KIZ: variants seen among roughly 807,000 people sequenced by gnomAD.
The protein encoded by KIZ is kizuna centrosomal protein.
KIZ carries 68 observed loss-of-function variants against 79.6 expected under a neutral mutation model. The ratio of observed to expected loss-of-function variants is 0.85; its 90% confidence interval spans 0.70 to 1.05. The LOEUF (loss-of-function observed/expected upper bound fraction) is 1.05. KIZ is among the 50% of genes least tolerant of loss of function. The pLI is 0.00. For missense variants in KIZ, 797 were observed against 800.4 expected, an observed-to-expected ratio of 1.00 and a Z score of 0.05; for synonymous variants, 280 against 281.8, an observed-to-expected ratio of 0.99 and a Z score of 0.06.
chr20:21,177,806 C>T (rs1219171724), intron 6 of KIZ, among the ~76,000 whole-genome samples: 1 of 152,026 alleles, frequency 6.6e-6, no homozygotes, highest in African/African-American at 2.4e-5. Flanking sequence ...TTTCCAGTTT[C>T]TCCCAATACC....
intron 10 of KIZ, among the ~76,000 whole-genome samples, chr20:21,230,357 A>G (rs891254121): frequency 2.0e-5 from 3 of 152,198 alleles, no homozygotes; most frequent in African/African-American, 4.8e-5. Context: ...TTCCTATACT[A>G]CCAGCTATTT....
intron 6 of KIZ, among the ~76,000 whole-genome samples, chr20:21,168,555 C>T (rs1243749824): frequency 6.6e-6 from 1 of 152,204 alleles, no homozygotes; most frequent in Non-Finnish European, 1.5e-5. Flanking sequence ...CTACCAATGA[C>T]TTTCTTCACA....
At chr20:21,190,308 A>C (rs2035056354) in intron 6 of KIZ, among the ~76,000 whole-genome samples, 1 of 152,260 alleles carries the variant, frequency 6.6e-6, no homozygotes. Flanking sequence ...TTTGCCTGTA[A>C]TGCTGCTTAA....
chr20:21,179,834 G>A (rs182665655), intron 6 of KIZ, among the ~76,000 whole-genome samples: 10 of 152,116 alleles, frequency 6.6e-5, no homozygotes, highest in Admixed American at 2.6e-4. Context: ...TTAGTTGTTA[G>A]TGTGTTGTTT....
At chr20:21,217,842 A>C (rs1192092741) in intron 9 of KIZ, among the ~76,000 whole-genome samples, 1 of 152,302 alleles carries the variant, frequency 6.6e-6, no homozygotes, top group East Asian at 1.9e-4. Flanking sequence ...AGCATTTCCA[A>C]ACCAGCTATG....
At chr20:21,130,796 C>A (rs1432337099) in intron 1 of KIZ, among the ~76,000 whole-genome samples, 1 of 152,062 alleles carries the variant, frequency 6.6e-6, no homozygotes. Context: ...GTTATGTAAC[C>A]TGTAATGTAG....
chr20:21,182,027 C>G (rs1480110853), intron 6 of KIZ, among the ~76,000 whole-genome samples: 1 of 152,192 alleles, frequency 6.6e-6, no homozygotes, highest in Non-Finnish European at 1.5e-5. Flanking sequence ...TTGACCTCTT[C>G]CTACAGCCAG....
chr20:21,237,854 G>A (rs904706550), intron 11 of KIZ, among the ~76,000 whole-genome samples: 1 of 152,156 alleles, frequency 6.6e-6, no homozygotes, highest in African/African-American at 2.4e-5. Context: ...TTTAGAGACA[G>A]GGTCTCGCTC....
intron 4 of KIZ, among the ~76,000 whole-genome samples, chr20:21,146,388 C>T (rs1463843872): frequency 6.6e-6 from 1 of 152,176 alleles, no homozygotes; most frequent in Non-Finnish European, 1.5e-5. Flanking sequence ...CGTGCTTGTT[C>T]CTTAGGCTGC....
rs185950873 is a variant in KIZ, at chr20:21,147,423, C to A, written c.405+1769C>A. On this transcript the variant is annotated intron_variant, in intron 4 of 12. Coordinates refer to ENST00000619189, the MANE Select transcript of KIZ (RefSeq NM_018474.6). ...CAATTAAAAGGTAAATACATTTCAG[C>A]AAAATCATGTTTTAGTTAATCCTTA... Among the ~76,000 whole-genome samples the A allele has an allele frequency of 2.8e-4, 42 of 152,274 alleles. No individual in the cohort carries two copies. In the East Asian group the frequency reaches 7.7e-3, roughly 28 times the overall value.
intron 6 of KIZ, among the ~76,000 whole-genome samples, chr20:21,187,773 C>CTG (rs1377435407): frequency 6.6e-6 from 1 of 152,218 alleles, no homozygotes; most frequent in Non-Finnish European, 1.5e-5. Context: ...ACCTTTTCAT[C>CTG]ATCATCATTT....
At position 21,238,206 on chromosome 20, in the gene KIZ, TC is replaced by T. The variant is rs1303847969; in HGVS notation, c.1880+5377del. On this transcript the variant is annotated intron_variant, in intron 11 of 12. Transcript: ENST00000619189. ...AAGCATGGATATATAGCTCCACCAT[TC>T]ACTCTAGTTTGTTTTTTTTTTTTTT... Among the ~76,000 whole-genome samples the T allele has an allele frequency of 2.0e-5, 3 of 151,888 alleles. No individual in the cohort carries two copies. The East Asian group carries it at 5.8e-4, about 29-fold the overall frequency.
At position 21,236,333 on chromosome 20, in the gene KIZ, T is replaced by G. The variant is rs545827905; in HGVS notation, c.1880+3503T>G. 3.9e-5 allele frequency among the ~76,000 whole-genome samples: 6 copies of G among 152,358 alleles called. No homozygotes were observed. The South Asian group carries it at 1.2e-3, about 32-fold the overall frequency. On this transcript the variant is annotated intron_variant, in intron 11 of 12. Coordinates refer to ENST00000619189, the MANE Select transcript of KIZ (RefSeq NM_018474.6). Reference sequence around the variant, plus strand: ...TTGGGATTTTTTTCTTTCTGGATTATTTTTTGCCTTCTGTTTTTCAGAAAC... The same window carrying G: ...TTGGGATTTTTTTCTTTCTGGATTAGTTTTTGCCTTCTGTTTTTCAGAAAC...
chr20:21,207,140 T>C (rs2035858641), intron 7 of KIZ, among the ~76,000 whole-genome samples: 1 of 152,180 alleles, frequency 6.6e-6, no homozygotes, highest in Admixed American at 6.5e-5. Context: ...AGTTCAAGGA[T>C]TGTATATCTG....
At chr20:21,131,225 C>T (rs938484377) in intron 1 of KIZ, among the ~76,000 whole-genome samples, 1 of 152,224 alleles carries the variant, frequency 6.6e-6, no homozygotes, top group African/African-American at 2.4e-5. Flanking sequence ...AGTTCCCCCT[C>T]GTCCTTGCCC....
chr20:21,163,302 G>A (rs1376635764), intron 6 of KIZ, 143 bp downstream of exon 6: 1 of 572,986 alleles, frequency 1.7e-6, no homozygotes, highest in Non-Finnish European at 3.0e-6. Context: ...TTGTAGGCAA[G>A]ACCTAATTTT....
At chr20:21,175,998 G>A (rs958816338) in intron 6 of KIZ, among the ~76,000 whole-genome samples, 1 of 151,940 alleles carries the variant, frequency 6.6e-6, no homozygotes, top group African/African-American at 2.4e-5. Context: ...CCTGAGCAAC[G>A]GAGTGAGACC....
At chr20:21,229,555 T>TATTTTATTTTATTTTATTTTATTTC (rs1294686573) in intron 10 of KIZ, among the ~76,000 whole-genome samples, 1 of 151,690 alleles carries the variant, frequency 6.6e-6, no homozygotes, top group East Asian at 1.9e-4. Flanking sequence ...TAAATTTTAT[T>TATTTTATTTTATTTTATTTTATTTC]ATTTTATTTT....
At chr20:21,171,444 G>A (rs1427348427) in intron 6 of KIZ, among the ~76,000 whole-genome samples, 1 of 152,046 alleles carries the variant, frequency 6.6e-6, no homozygotes, top group African/African-American at 2.4e-5. Flanking sequence ...TTTTTTAAAT[G>A]TATTTTGTTT....
Sources: gnomAD v4.1 joint callset for allele counts (sites outside exome capture counted in the v4.1 genomes callset) on GRCh38, gnomAD v4.1.1 for gene constraint, MANE v1.5 for transcripts, NCBI Gene and HGNC (gene_info 2026-07-23, HGNC 2026-07-21) for gene names.